SLC25A27: variants seen among roughly 807,000 people sequenced by gnomAD.
SLC25A27 encodes the protein solute carrier family 25 member 27.
A neutral mutation model predicts 49.1 loss-of-function variants in SLC25A27; 35 were observed. That is an observed-to-expected ratio of 0.71 (90% CI 0.54 to 0.95). The LOEUF (loss-of-function observed/expected upper bound fraction) is 0.95. SLC25A27 is among the 40% of genes least tolerant of loss of function. The pLI is 0.00. For missense variants in SLC25A27, 339 were observed against 397.1 expected, an observed-to-expected ratio of 0.85 and a Z score of 1.24; for synonymous variants, 144 against 136.9, an observed-to-expected ratio of 1.05 and a Z score of -0.36.
At chr6:46,671,390 TC>T (rs1763535074) in intron 8 of SLC25A27, among the ~76,000 whole-genome samples, 162 bp downstream of exon 8, 1 of 152,152 alleles carries the variant, frequency 6.6e-6, no homozygotes, top group Non-Finnish European at 1.5e-5. Flanking sequence ...CTTTCACTTC[TC>T]CTCAGAGTTA....
chr6:46,654,473 A>AT (rs1322970821), intron 1 of SLC25A27, among the ~76,000 whole-genome samples: 8 of 152,178 alleles, frequency 5.3e-5, no homozygotes, highest in Non-Finnish European at 1.2e-4. Flanking sequence ...GCTGAATGAT[A>AT]TTTCCAGGTT....
At chr6:46,660,673 T>C (rs1315077167) in intron 3 of SLC25A27, among the ~76,000 whole-genome samples, 1 of 152,182 alleles carries the variant, frequency 6.6e-6, no homozygotes, top group East Asian at 1.9e-4. Flanking sequence ...ATGACTAACA[T>C]GGAAAGATGC....
chr6:46,653,544 T>G (rs1762847519), intron 1 of SLC25A27: 2 of 985,362 alleles, frequency 2.0e-6, no homozygotes, highest in African/African-American at 1.7e-5. Context: ...GCTTGAATGT[T>G]GTACTTTAAG....
chr6:46,662,132 C>CA (rs1763182173), intron 3 of SLC25A27, among the ~76,000 whole-genome samples: 1 of 152,090 alleles, frequency 6.6e-6, no homozygotes, highest in Admixed American at 6.5e-5. Flanking sequence ...ATCTTTGAAG[C>CA]AACTGCTCTT....
chr6:46,653,071 A>G lies in SLC25A27; in HGVS notation c.-122A>G. 1.1e-6 allele frequency: 1 copy of G among 885,936 alleles called. No homozygotes were observed. The highest frequency in any genetic ancestry group is 1.8e-6 in the Non-Finnish European group (1 of 565,768). 54.9% of individuals were successfully genotyped at this position (885,936 alleles called of 1,614,324 possible). On this transcript the variant is annotated 5_prime_UTR_variant, in exon 1 of 9. Transcript: ENST00000371347. ...CCACCCGGCCGAGCCGAACGAGGGAAATGGTCCTCACCCGGCCACTCGCCG... is the reference window on the plus strand; with the variant it reads ...CCACCCGGCCGAGCCGAACGAGGGAGATGGTCCTCACCCGGCCACTCGCCG...
chr6:46,659,071 TG>T, intron 3 of SLC25A27, 25 bp downstream of exon 3: 1 of 1,475,084 alleles, frequency 6.8e-7, no homozygotes, highest in Non-Finnish European at 9.4e-7. Context: ...GAAAATAATA[TG>T]CTGTTGCCCC....
chr6:46,665,839 C>T (rs1421990571), intron 5 of SLC25A27, among the ~76,000 whole-genome samples: 2 of 152,166 alleles, frequency 1.3e-5, no homozygotes, highest in Non-Finnish European at 2.9e-5. Flanking sequence ...AATGTGTACC[C>T]GGTATCCAGA....
chr6:46,662,766 A>C (rs1421750592), intron 4 of SLC25A27, among the ~76,000 whole-genome samples: 1 of 152,192 alleles, frequency 6.6e-6, no homozygotes, highest in Non-Finnish European at 1.5e-5. Context: ...CTGCAGGTTA[A>C]CATAAACAGT....
At chr6:46,673,816 T>C (rs1460978835) in intron 8 of SLC25A27, among the ~76,000 whole-genome samples, 1 of 152,196 alleles carries the variant, frequency 6.6e-6, no homozygotes, top group Non-Finnish European at 1.5e-5. Context: ...TAAGGTTTGT[T>C]TGACAGCAAG....
chr6:46,658,722 A>T (rs776567639), intron 2 of SLC25A27: 109 of 522,404 alleles, frequency 2.1e-4, no homozygotes, highest in Non-Finnish European at 3.3e-4. Flanking sequence ...TAAAGCAGAG[A>T]AGGGAGAATT....
chr6:46,655,423 T>G (rs555683373), intron 1 of SLC25A27, among the ~76,000 whole-genome samples: 1 of 152,174 alleles, frequency 6.6e-6, no homozygotes, highest in East Asian at 1.9e-4. Context: ...ATATGGTACT[T>G]TAAATTATTT....
At chr6:46,653,463 G>A (rs1414253850) in intron 1 of SLC25A27, 165 bp downstream of exon 1, 1 of 985,320 alleles carries the variant, frequency 1.0e-6, no homozygotes, top group Non-Finnish European at 1.2e-6. Context: ...GTGGGAGGAG[G>A]AGGGATTGAG....
chr6:46,672,246 C>T (rs1763580427), intron 8 of SLC25A27, among the ~76,000 whole-genome samples: 2 of 151,986 alleles, frequency 1.3e-5, no homozygotes, highest in East Asian at 3.9e-4. Flanking sequence ...TTGGAGTGGA[C>T]AGAGAGCAGG....
chr6:46,658,023 A>T (rs146682928), intron 2 of SLC25A27, among the ~76,000 whole-genome samples: 2 of 152,234 alleles, frequency 1.3e-5, no homozygotes, highest in African/African-American at 4.8e-5. Context: ...AGTTGGCTTC[A>T]AAGGAGGTAG....
rs1763835005 is a variant in SLC25A27, at chr6:46,677,402, T to C, written c.*948T>C. 1 of 152,220 alleles carries C rather than the reference T, an allele frequency of 6.6e-6. No individual in the cohort carries two copies. Among genetic ancestry groups the C allele is most frequent in the African/African-American group, 2.4e-5 (1 of 41,456 alleles). 9.4% of individuals were successfully genotyped at this position (152,220 alleles called of 1,614,324 possible). A position where few individuals can be genotyped will look rare whatever the true frequency, so the allele number is the denominator to read the frequency against. On this transcript the variant is annotated 3_prime_UTR_variant, in exon 9 of 9. Transcript: ENST00000371347. ...AGATAGATATGAAGTCAGCCAACTC[T>C]GACATGCGTCCTTTCTTATCTCCCT...
chr6:46,654,591 A>G (rs1052862595), intron 1 of SLC25A27, among the ~76,000 whole-genome samples: 4 of 152,216 alleles, frequency 2.6e-5, no homozygotes, highest in Admixed American at 2.6e-4. Context: ...ATGGGAATCA[A>G]AATGTGGGAT....
chr6:46,657,790 G>C (rs1162070387), intron 2 of SLC25A27, among the ~76,000 whole-genome samples: 1 of 152,172 alleles, frequency 6.6e-6, no homozygotes, highest in African/African-American at 2.4e-5. Flanking sequence ...CTCTGAAAGA[G>C]GACAGAGTTC....
chr6:46,653,783 T>C (rs1166207074), intron 1 of SLC25A27: 1 of 985,100 alleles, frequency 1.0e-6, no homozygotes, highest in Non-Finnish European at 1.2e-6. Flanking sequence ...CCTCTTTGAG[T>C]GTAATTCATC....
Position 46,677,336 on chromosome 6 carries a change from T to G in SLC25A27, c.*882T>G, listed in dbSNP as rs1461731423. ...ATAGATCCTTTTATAAAGCACCTTT[T>G]GTTAAACATCAGCCTTTCATTGGTA... On this transcript the variant is annotated 3_prime_UTR_variant, in exon 9 of 9. Transcript: ENST00000371347. 1 of 152,222 alleles carries G rather than the reference T, an allele frequency of 6.6e-6. No individual in the cohort carries two copies. Among genetic ancestry groups the G allele is most frequent in the Non-Finnish European group, 1.5e-5 (1 of 68,042 alleles). 9.4% of individuals were successfully genotyped at this position (152,222 alleles called of 1,614,324 possible).
Sources: allele counts gnomAD v4.1 joint callset (sites outside exome capture counted in the v4.1 genomes callset), GRCh38; gene constraint gnomAD v4.1.1; transcripts MANE v1.5; gene names NCBI Gene and HGNC (gene_info 2026-07-23, HGNC 2026-07-21).